Variants in RTL9 observed in about 807,000 individuals in gnomAD.
The protein encoded by RTL9 is retrotransposon Gag-like protein 9.
In RTL9, 19 loss-of-function variants were observed where a neutral mutation model predicts 44.7. The ratio of observed to expected loss-of-function variants is 0.42; its 90% CI spans 0.30 to 0.62. The LOEUF is 0.62. RTL9 is among the 20% of genes least tolerant of loss of function. The pLI is 0.16. For synonymous variants in RTL9, 407 were observed against 398.9 expected, an observed-to-expected ratio of 1.02 and a Z score of -0.24; for missense variants, 1,105 against 1,080.6, an observed-to-expected ratio of 1.02 and a Z score of -0.32.
At chrX:110,429,243 CT>C (rs377376446) in intron 1 of RTL9, among the ~76,000 whole-genome samples, 85 of 106,323 alleles carry the variant, frequency 8.0e-4, no homozygotes, top group Middle Eastern at 4.7e-3. Context: ...TTTTGTTCAT[CT>C]TTTTTTTTTA....
chrX:110,383,889 T>C (rs1314212153), intron 1 of RTL9, among the ~76,000 whole-genome samples: 5 of 112,160 alleles, frequency 4.5e-5, no homozygotes, highest in African/African-American at 1.6e-4. Flanking sequence ...TTTGAGTTCT[T>C]ACTCTGCCAC....
chrX:110,420,955 C>A (rs755520262), intron 1 of RTL9, among the ~76,000 whole-genome samples: 11 of 111,679 alleles, frequency 9.8e-5, no homozygotes, highest in African/African-American at 3.6e-4. Flanking sequence ...ACTGCCTCAG[C>A]CCTTGAAAAT....
chrX:110,451,486 ACT>A lies in RTL9; in HGVS notation c.872_873del (p.Ser291TrpfsTer27). Reference sequence around the variant, plus strand: ...TCACCCCAGCCAACAAGCACCCAAAACTCTGGGGGAATACCTACCCCGCTCAT... The same window carrying A: ...TCACCCCAGCCAACAAGCACCCAAAACTGGGGGAATACCTACCCCGCTCAT... On this transcript the variant is annotated frameshift_variant, in exon 1 of 2. Coordinates refer to ENST00000540313, the Ensembl canonical transcript of RTL9. LOFTEE classifies it high-confidence loss of function. 8.3e-7 allele frequency: 1 copy of A among 1,210,773 alleles called. No individual in the cohort carries two copies. Among genetic ancestry groups the A allele is most frequent in the Non-Finnish European group, 1.1e-6 (1 of 895,221 alleles).
intron 1 of RTL9, among the ~76,000 whole-genome samples, chrX:110,359,177 T>C (rs994749235): frequency 5.4e-5 from 6 of 111,440 alleles, no homozygotes; most frequent in African/African-American, 1.6e-4. Flanking sequence ...CTGGATCTAG[T>C]GGCTGTGTTA....
intron 1 of RTL9, among the ~76,000 whole-genome samples, chrX:110,374,808 T>A (rs2068364709): frequency 9.1e-6 from 1 of 109,527 alleles, no homozygotes; most frequent in Non-Finnish European, 1.9e-5. Context: ...TTGGGGTGGA[T>A]ATGTGGAGGG....
At chrX:110,452,647 G>A in exon 1 of RTL9, 3 of 1,211,551 alleles carry the variant, frequency 2.5e-6, no homozygotes, top group Non-Finnish European at 3.4e-6. Context: ...ACAGCTTCTG[G>A]AGCAATGTCC....
At chrX:110,418,059 G>A (rs2068690363), upstream of RTL9, among the ~76,000 whole-genome samples, 1 of 112,484 alleles carries the variant, frequency 8.9e-6, no homozygotes, top group Non-Finnish European at 1.9e-5. Flanking sequence ...TGGTAGAGTT[G>A]GGAGAGAGGG....
rs1482050566 is a variant in RTL9, at chrX:110,421,150, G to A, written c.-168+2015G>A. Among the ~76,000 whole-genome samples the A allele has an allele frequency of 3.6e-5, 4 of 112,306 alleles. No homozygotes were observed. In the East Asian group the frequency reaches 8.4e-4, roughly 23 times the overall value. On this transcript the variant is annotated intron_variant, in intron 1 of 3. Transcript: ENST00000465301. ...CTGACTTTTTTGCACAGCCCAGCCC[G>A]TGAAAATGGATCACTCTGATGTATG...
At chrX:110,390,574 T>C (rs1182734612) in intron 1 of RTL9, among the ~76,000 whole-genome samples, 1 of 111,308 alleles carries the variant, frequency 9.0e-6, no homozygotes, top group Non-Finnish European at 1.9e-5. Flanking sequence ...TCTCCACTAC[T>C]GTAGATCCAA....
exon 1 of RTL9, chrX:110,452,741 A>C: frequency 8.3e-7 from 1 of 1,210,094 alleles, no homozygotes; most frequent in Non-Finnish European, 1.1e-6. Context: ...TGCCTGCCTC[A>C]CTAATGAGAG....
chrX:110,369,159 C>T (rs1001670703), intron 1 of RTL9, among the ~76,000 whole-genome samples: 1 of 110,789 alleles, frequency 9.0e-6, no homozygotes, highest in African/African-American at 3.3e-5. Flanking sequence ...AGTGAAACCC[C>T]GTCTCTACTA....
At chrX:110,453,362 G>A (rs1356887043) in exon 1 of RTL9, 7 of 1,209,934 alleles carry the variant, frequency 5.8e-6, no homozygotes, top group East Asian at 5.9e-5. Context: ...CACCACTAAG[G>A]AGACCCTCAG....
At chrX:110,381,425 A>G (rs995872116) in intron 1 of RTL9, among the ~76,000 whole-genome samples, 4 of 111,978 alleles carry the variant, frequency 3.6e-5, no homozygotes, top group African/African-American at 9.8e-5. Flanking sequence ...CAAAAACAGC[A>G]GATGTTGAAG....
intron 1 of RTL9, among the ~76,000 whole-genome samples, chrX:110,376,098 G>GA (rs761539889): frequency 2.7e-5 from 3 of 111,459 alleles, no homozygotes; most frequent in South Asian, 7.7e-4. Flanking sequence ...GGTGGTTTCA[G>GA]AACCAGACAT....
chrX:110,450,761 G>C lies in RTL9; in HGVS notation c.144G>C (p.Leu48Phe), dbSNP rs999121772. The change falls in exon 1 of 2, where the codon TTG becomes TTC. Residue 48 changes from leucine to phenylalanine, a missense_variant. By Grantham distance (22) the Leu-to-Phe change is conservative (BLOSUM62 0). Coordinates refer to ENST00000540313, the Ensembl canonical transcript of RTL9. ...AGATTCTGCATTCTCATGTACAGTT[G>C]CCTATAGTCTCAACTTCAGCCTCAG... The C allele has an allele frequency of 1.7e-6, 2 of 1,209,897 alleles. No individual in the cohort carries two copies. The highest frequency in any genetic ancestry group is 2.2e-6 in the Non-Finnish European group (2 of 895,257).
At chrX:110,378,003 C>T (rs1481133615) in intron 1 of RTL9, among the ~76,000 whole-genome samples, 1 of 73,487 alleles carries the variant, frequency 1.4e-5, no homozygotes, top group African/African-American at 8.4e-5. Flanking sequence ...AGCGAGACTC[C>T]GTCTCAAAAA....
At chrX:110,360,663 G>A (rs1255169389) in intron 1 of RTL9, among the ~76,000 whole-genome samples, 1 of 111,621 alleles carries the variant, frequency 9.0e-6, no homozygotes, top group Non-Finnish European at 1.9e-5. Context: ...AAGATAGAGA[G>A]CCCAGGAGAA....
intron 1 of RTL9, among the ~76,000 whole-genome samples, chrX:110,396,202 C>G (rs1477479096): frequency 1.8e-5 from 2 of 110,166 alleles, no homozygotes; most frequent in Non-Finnish European, 3.8e-5. Context: ...TGGTCTGACT[C>G]TAAAATACAT....
chrX:110,377,532 G>A (rs932198642), intron 1 of RTL9, among the ~76,000 whole-genome samples: 1 of 111,592 alleles, frequency 9.0e-6, no homozygotes, highest in Non-Finnish European at 1.9e-5. Context: ...TAAAAGGCTC[G>A]AACTATTATG....
Sources: allele counts gnomAD v4.1 joint callset (sites outside exome capture counted in the v4.1 genomes callset), GRCh38; gene constraint gnomAD v4.1.1; transcripts MANE v1.5; gene names NCBI Gene and HGNC (gene_info 2026-07-23, HGNC 2026-07-21).